ADAMTSL1: variants seen among roughly 807,000 people sequenced by gnomAD.
ADAMTSL1 encodes the protein ADAMTS like 1, also known as ADAMTS-like protein 1.
ADAMTSL1 carries 126 observed loss-of-function variants against 201.8 expected under a neutral mutation model. The observed-to-expected ratio is 0.62, with a 90% confidence interval of 0.54 to 0.72. The LOEUF (loss-of-function observed/expected upper bound fraction) is 0.72. Among genes scored for constraint, ADAMTSL1 ranks in the 30% least tolerant of loss-of-function variants. The pLI is 0.00. For missense variants in ADAMTSL1, 2,679 were observed against 2,277.8 expected (o/e 1.18, Z -3.59); for synonymous variants, 1,121 against 903.4 (o/e 1.24, Z -4.32).
At chr9:18,831,343 T>C (rs925500324) in intron 23 of ADAMTSL1, among the ~76,000 whole-genome samples, 1 of 152,200 alleles carries the variant, frequency 6.6e-6, no homozygotes, top group African/African-American at 2.4e-5. Flanking sequence ...GAAATGTGCG[T>C]TGTGAACTTC....
chr9:18,129,099 T>G (rs554526393), intron 1 of ADAMTSL1, among the ~76,000 whole-genome samples: 36 of 152,348 alleles, frequency 2.4e-4, no homozygotes, highest in African/African-American at 8.4e-4. Context: ...CTGTTTTATA[T>G]CTATGTCTAG....
At chr9:18,407,490 T>A (rs149113588) in intron 2 of ADAMTSL1, among the ~76,000 whole-genome samples, 1 of 152,104 alleles carries the variant, frequency 6.6e-6, no homozygotes, top group South Asian at 2.1e-4. Context: ...GGGATAAACA[T>A]TGAGTAAACC....
At chr9:18,670,319 G>A (rs1357042983) in intron 9 of ADAMTSL1, among the ~76,000 whole-genome samples, 1 of 152,188 alleles carries the variant, frequency 6.6e-6, no homozygotes, top group East Asian at 1.9e-4. Flanking sequence ...GAGAAGAGAA[G>A]ATCTTGTTAA....
intron 1 of ADAMTSL1, among the ~76,000 whole-genome samples, chr9:18,150,808 G>C (rs1461000757): frequency 6.6e-6 from 1 of 151,998 alleles, no homozygotes; most frequent in Non-Finnish European, 1.5e-5. Context: ...CAACAGGAAA[G>C]ACAAGTTAAC....
chr9:18,714,390 G>A (rs1444105477), intron 14 of ADAMTSL1, among the ~76,000 whole-genome samples: 4 of 152,114 alleles, frequency 2.6e-5, no homozygotes, highest in Non-Finnish European at 5.9e-5. Flanking sequence ...TCAAATAGAT[G>A]CAATAAAAAA....
intron 1 of ADAMTSL1, among the ~76,000 whole-genome samples, chr9:18,158,921 T>C (rs1827269889): frequency 6.6e-6 from 1 of 152,016 alleles, no homozygotes; most frequent in African/African-American, 2.4e-5. Flanking sequence ...AGTTATCATT[T>C]CCTCCTAATA....
At chr9:18,514,057 A>G (rs993515752) in intron 2 of ADAMTSL1, among the ~76,000 whole-genome samples, 4 of 150,070 alleles carry the variant, frequency 2.7e-5, no homozygotes, top group Non-Finnish European at 6.0e-5. Flanking sequence ...TAGGCAACGC[A>G]TTGTATCTAT....
upstream of ADAMTSL1, among the ~76,000 whole-genome samples, chr9:18,471,998 T>C (rs1821234613): frequency 6.6e-6 from 1 of 152,352 alleles, no homozygotes. Context: ...TTAGCTTTGT[T>C]GCTACTTTTC....
chr9:18,587,989 A>G (rs182693862), intron 4 of ADAMTSL1, among the ~76,000 whole-genome samples: 18 of 152,348 alleles, frequency 1.2e-4, no homozygotes, highest in Admixed American at 9.2e-4. Context: ...ATATATAACC[A>G]GTAGTGAGGT....
chr9:18,299,498 A>T (rs778280538), intron 2 of ADAMTSL1, among the ~76,000 whole-genome samples: 1 of 152,244 alleles, frequency 6.6e-6, no homozygotes, highest in Non-Finnish European at 1.5e-5. Flanking sequence ...GAGCTCAGGA[A>T]GTTCTGAGCT....
chr9:18,762,564 C>G (rs1488370470), intron 16 of ADAMTSL1, among the ~76,000 whole-genome samples: 2 of 151,804 alleles, frequency 1.3e-5, no homozygotes, highest in Non-Finnish European at 2.9e-5. Context: ...CTATAGTCAC[C>G]CTATTGTGCT....
At chr9:18,513,147 T>C (rs1307741275) in intron 2 of ADAMTSL1, among the ~76,000 whole-genome samples, 1 of 152,200 alleles carries the variant, frequency 6.6e-6, no homozygotes, top group Non-Finnish European at 1.5e-5. Context: ...TTATTTTTTA[T>C]TGTGGTAAGA....
chr9:18,292,486 TGAGGGTGTTGCCAAAG>T (rs1473632296), intron 2 of ADAMTSL1, among the ~76,000 whole-genome samples: 1 of 152,256 alleles, frequency 6.6e-6, no homozygotes, highest in East Asian at 1.9e-4. Context: ...GGTGTGTCTG[TGAGGGTGTTGCCAAAG>T]GAGGTTAACA....
At chr9:17,951,006 G>T (rs1046813205) in intron 1 of ADAMTSL1, among the ~76,000 whole-genome samples, 1 of 152,092 alleles carries the variant, frequency 6.6e-6, no homozygotes, top group African/African-American at 2.4e-5. Flanking sequence ...TACAAGCCAT[G>T]GTCTTCATAA....
intron 2 of ADAMTSL1, among the ~76,000 whole-genome samples, chr9:18,429,936 C>T (rs1016060707): frequency 1.2e-4 from 18 of 151,856 alleles, no homozygotes; most frequent in Middle Eastern, 3.4e-3. Flanking sequence ...ATTACAGGCA[C>T]GTGCCACGAC....
intron 1 of ADAMTSL1, among the ~76,000 whole-genome samples, chr9:18,147,512 T>C (rs1300018663): frequency 1.3e-5 from 2 of 152,024 alleles, no homozygotes; most frequent in Non-Finnish European, 2.9e-5. Context: ...GCAGAATGGG[T>C]ATAATTTGGG....
chr9:18,685,071 C>A, intron 13 of ADAMTSL1: 1 of 926,102 alleles, frequency 1.1e-6, no homozygotes, highest in Non-Finnish European at 1.4e-6. Flanking sequence ...CTCTTCTCTG[C>A]GCAAGGGGCC....
intron 5 of ADAMTSL1, among the ~76,000 whole-genome samples, chr9:18,635,203 G>C (rs1827037895): frequency 6.6e-6 from 1 of 151,962 alleles, no homozygotes; most frequent in Non-Finnish European, 1.5e-5. Flanking sequence ...ATGGAGTTCT[G>C]AATAAGAATG....
chr9:18,093,590 A>G (rs560807892), intron 1 of ADAMTSL1, among the ~76,000 whole-genome samples: 119 of 152,310 alleles, frequency 7.8e-4, no homozygotes, highest in African/African-American at 2.8e-3. Context: ...CTGAGAGGTT[A>G]TTAAGAAAAA....
Sources: gnomAD v4.1 joint callset for allele counts (sites outside exome capture counted in the v4.1 genomes callset) on GRCh38, gnomAD v4.1.1 for gene constraint, MANE v1.5 for transcripts, NCBI Gene and HGNC (gene_info 2026-07-23, HGNC 2026-07-21) for gene names.